Variants in DPYD observed in about 807,000 individuals in gnomAD.
The protein encoded by DPYD is dihydropyrimidine dehydrogenase [NADP(+)].
In DPYD, 109 loss-of-function variants were observed where a neutral mutation model predicts 116.2. The ratio of observed to expected loss-of-function variants is 0.94; its 90% CI spans 0.80 to 1.10. The LOEUF is 1.10. DPYD is among the 50% of genes least tolerant of loss of function. DPYD has a pLI of 0.00. For synonymous variants in DPYD, 440 were observed against 432.0 expected, an observed-to-expected ratio of 1.02 and a Z score of -0.23; for missense variants, 1,302 against 1,254.5, an observed-to-expected ratio of 1.04 and a Z score of -0.57.
Position 97,762,023 on chromosome 1 carries a change from G to A in DPYD, c.234-21544C>T, listed in dbSNP as rs112996280. ...CCCACTTGAGGGTGGACAGTGGGAGGAGGGTGAGGATCAAAAAACTACCTA... is the reference window on the plus strand; with the variant it reads ...CCCACTTGAGGGTGGACAGTGGGAGAAGGGTGAGGATCAAAAAACTACCTA... On this transcript the variant is annotated intron_variant, in intron 3 of 22. Transcript: ENST00000370192. Among the ~76,000 whole-genome samples, 84 of 152,154 alleles carry A rather than the reference G, an allele frequency of 5.5e-4. 2 individuals are homozygous for A. Among genetic ancestry groups the A allele is most frequent in the Non-Finnish European group, 1.9e-4 (13 of 68,014 alleles).
chr1:97,599,137 G>A (rs1315009654), intron 8 of DPYD, among the ~76,000 whole-genome samples: 3 of 152,104 alleles, frequency 2.0e-5, no homozygotes, highest in African/African-American at 7.2e-5. Context: ...CAGCATTTTT[G>A]TTTTGTGATT....
At chr1:97,596,138 C>T (rs958803187) in intron 8 of DPYD, among the ~76,000 whole-genome samples, 5 of 151,544 alleles carry the variant, frequency 3.3e-5, no homozygotes, top group South Asian at 2.1e-4. Flanking sequence ...TTAGTTTTAC[C>T]GTATAAAAGA....
At chr1:97,533,143 C>T (rs4950040) in intron 12 of DPYD, among the ~76,000 whole-genome samples, 24,310 of 151,368 alleles carry the variant, frequency 0.16, 2,092 homozygotes, top group Admixed American at 0.22. Flanking sequence ...ATTCAATCAC[C>T]CCCCACCATG....
intron 12 of DPYD, among the ~76,000 whole-genome samples, chr1:97,522,825 T>C (rs1386815607): frequency 6.6e-6 from 1 of 152,184 alleles, no homozygotes; most frequent in African/African-American, 2.4e-5. Context: ...TCCTCAAGTA[T>C]ATTTTGCAGA....
chr1:97,630,827 T>C (rs1657215359), intron 8 of DPYD, among the ~76,000 whole-genome samples: 1 of 152,140 alleles, frequency 6.6e-6, no homozygotes, highest in African/African-American at 2.4e-5. Flanking sequence ...CTTATTTTGC[T>C]ACTATTTTTT....
intron 5 of DPYD, among the ~76,000 whole-genome samples, chr1:97,712,188 C>G (rs1185297385): frequency 6.6e-6 from 1 of 151,996 alleles, no homozygotes; most frequent in Non-Finnish European, 1.5e-5. Flanking sequence ...TTAGGAGCTC[C>G]CCTTACATGT....
intron 20 of DPYD, among the ~76,000 whole-genome samples, chr1:97,166,191 C>T (rs1197424409): frequency 6.6e-6 from 1 of 152,096 alleles, no homozygotes. Flanking sequence ...ACCTAAATGC[C>T]CATCAATGGC....
intron 5 of DPYD, among the ~76,000 whole-genome samples, chr1:97,703,304 G>C (rs893303121): frequency 1.3e-5 from 2 of 151,958 alleles, no homozygotes; most frequent in Admixed American, 6.6e-5. Flanking sequence ...CGAGACTCTT[G>C]GGGTTGAGTC....
At chr1:97,820,453 A>G (rs1217941358) in intron 3 of DPYD, among the ~76,000 whole-genome samples, 1 of 152,178 alleles carries the variant, frequency 6.6e-6, no homozygotes, top group African/African-American at 2.4e-5. Context: ...AATGACATTA[A>G]AGCAATTTTA....
At chr1:97,707,443 C>A (rs1320563651) in intron 5 of DPYD, among the ~76,000 whole-genome samples, 1 of 107,742 alleles carries the variant, frequency 9.3e-6, no homozygotes, top group Non-Finnish European at 1.8e-5. Context: ...TCCCTCCCCC[C>A]TCCCCCCACC....
chr1:97,670,635 G>T (rs1659811177), intron 8 of DPYD, among the ~76,000 whole-genome samples: 1 of 152,088 alleles, frequency 6.6e-6, no homozygotes, highest in Non-Finnish European at 1.5e-5. Context: ...TGCTATTTTG[G>T]CATAGCAGCC....
At chr1:97,428,412 A>G (rs1674993367) in intron 14 of DPYD, among the ~76,000 whole-genome samples, 1 of 152,142 alleles carries the variant, frequency 6.6e-6, no homozygotes, top group African/African-American at 2.4e-5. Context: ...CATGAAAAAG[A>G]ATTTTTTAAA....
At chr1:97,820,584 A>G (rs1383673952) in intron 3 of DPYD, among the ~76,000 whole-genome samples, 1 of 152,198 alleles carries the variant, frequency 6.6e-6, no homozygotes, top group Non-Finnish European at 1.5e-5. Context: ...GCACCTACAA[A>G]TAGTATACAC....
chr1:97,751,279 A>AAT (rs1192839944), intron 3 of DPYD, among the ~76,000 whole-genome samples: 52 of 148,828 alleles, frequency 3.5e-4, no homozygotes, highest in Middle Eastern at 3.5e-3. Context: ...GGGCTTTCAA[A>AAT]ATATATATAT....
chr1:97,216,466 A>G (rs796477048), intron 19 of DPYD, among the ~76,000 whole-genome samples: 2 of 152,288 alleles, frequency 1.3e-5, no homozygotes, highest in African/African-American at 4.8e-5. Context: ...AAATATGAGT[A>G]AACGGTTTAT....
At chr1:97,914,438 GA>G (rs1323800590) in intron 1 of DPYD, among the ~76,000 whole-genome samples, 1 of 152,048 alleles carries the variant, frequency 6.6e-6, no homozygotes, top group Non-Finnish European at 1.5e-5. Flanking sequence ...TTTCTTTTCA[GA>G]AAAAAATTAA....
At chr1:97,873,718 T>C (rs184221480) in intron 2 of DPYD, among the ~76,000 whole-genome samples, 4 of 152,060 alleles carry the variant, frequency 2.6e-5, no homozygotes, top group South Asian at 4.1e-4. Flanking sequence ...TCCACCAGAA[T>C]ATAAGTTTTG....
At chr1:97,143,755 T>G (rs1654401774) in intron 20 of DPYD, among the ~76,000 whole-genome samples, 1 of 152,176 alleles carries the variant, frequency 6.6e-6, no homozygotes, top group Non-Finnish European at 1.5e-5. Context: ...GTGAGTCAAC[T>G]TTAAACAAAA....
chr1:97,384,246 G>GAAAA (rs11286049), intron 14 of DPYD, among the ~76,000 whole-genome samples: 1 of 138,534 alleles, frequency 7.2e-6, no homozygotes, highest in Non-Finnish European at 1.5e-5. Flanking sequence ...TTTACTTTGA[G>GAAAA]AAAAAAAAAA....
Sources: allele counts gnomAD v4.1 joint callset (sites outside exome capture counted in the v4.1 genomes callset), GRCh38; gene constraint gnomAD v4.1.1; transcripts MANE v1.5; gene names NCBI Gene and HGNC (gene_info 2026-07-23, HGNC 2026-07-21).